ZNF98: variants seen among roughly 807,000 people sequenced by gnomAD.
ZNF98 encodes the protein zinc finger protein 739.
ZNF98 carries 8 observed loss-of-function variants against 12.8 expected under a neutral mutation model. The ratio of observed to expected loss-of-function variants is 0.63; its 90% CI spans 0.37 to 1.13. ZNF98 has a LOEUF of 1.13. Among genes scored for constraint, ZNF98 ranks in the 50% most tolerant of loss-of-function variants. The pLI, the probability that ZNF98 is intolerant of heterozygous loss-of-function variation, is 0.01. For missense variants in ZNF98, 379 were observed against 666.1 expected (o/e 0.57, Z 4.74); for synonymous variants, 112 against 223.5 (o/e 0.50, Z 4.45).
At chr19:22,413,700 G>A (rs755212378) in intron 1 of ZNF98, among the ~76,000 whole-genome samples, 19 of 151,254 alleles carry the variant, frequency 1.3e-4, no homozygotes, top group Non-Finnish European at 7.4e-5. Context: ...GAGAAACCCC[G>A]TCTCTACTAA....
chr19:22,418,128 C>T (rs1002629125), intron 1 of ZNF98, among the ~76,000 whole-genome samples: 6 of 152,136 alleles, frequency 3.9e-5, no homozygotes, highest in Non-Finnish European at 8.8e-5. Flanking sequence ...TGACACCACC[C>T]AGAGTCAGCA....
chr19:22,399,380 T>TA (rs1295495086), intron 3 of ZNF98, among the ~76,000 whole-genome samples: 1 of 152,180 alleles, frequency 6.6e-6, no homozygotes, highest in Non-Finnish European at 1.5e-5. Flanking sequence ...TTCTAAGTTT[T>TA]AAATATATGC....
chr19:22,391,111 G>T lies in ZNF98; in HGVS notation c.*405C>A, dbSNP rs907293234. On this transcript the variant is annotated 3_prime_UTR_variant, in exon 4 of 4. Coordinates refer to ENST00000357774, the MANE Select transcript of ZNF98 (RefSeq NM_001098626.2). ...ACAAAGTTTGAGCAATTGCCTCAGG[G>T]TTTGCTCTAATACAGAATGAATACA... The T allele has an allele frequency of 1.2e-5, 2 of 161,984 alleles. No individual in the cohort carries two copies. The highest frequency in any genetic ancestry group is 4.8e-5 in the African/African-American group (2 of 41,596). 10.0% of individuals were successfully genotyped at this position (161,984 alleles called of 1,614,324 possible).
rs369259525 is a variant in ZNF98 at position 22,408,857 on chromosome 19, C to T, written c.31-5345G>A. On this transcript the variant is annotated intron_variant, in intron 1 of 3. Coordinates refer to ENST00000357774, the MANE Select transcript of ZNF98 (RefSeq NM_001098626.2). The stretch of plus-strand genomic sequence containing the variant: ...AATCAACATCATGAAAATGGCCATA[C>T]TGCCCAAAGTAATTTATGGACTCAA... Among the ~76,000 whole-genome samples, 562 of 152,264 alleles carry T rather than the reference C, an allele frequency of 3.7e-3. 3 individuals carry two copies. The highest frequency in any genetic ancestry group is 0.013 in the African/African-American group (538 of 41,550).
Position 22,392,723 on chromosome 19 carries a change from C to G in ZNF98, c.512G>C (p.Arg171Thr). ...KVFHKFSNSN[R>T]HKIGHTGKKS... The stretch of plus-strand genomic sequence containing the variant: ...CTTTCCAGTATGTCCTATCTTATGT[C>G]TGTTTGAATTTGAAAATTTATGAAA... The change falls in exon 4 of 4, where the codon AGA becomes ACA. Residue 171 changes from arginine to threonine, a missense_variant. Physicochemically the swap from Arg to Thr is moderately conservative, Grantham distance 71. Transcript: ENST00000357774. The G allele has an allele frequency of 6.2e-7, 1 of 1,605,484 alleles. No homozygotes were observed.
chr19:22,397,437 A>T (rs534725714), intron 3 of ZNF98, among the ~76,000 whole-genome samples: 2 of 152,220 alleles, frequency 1.3e-5, no homozygotes, highest in African/African-American at 4.8e-5. Context: ...AACACCCCTC[A>T]ACACCAGGAC....
At chr19:22,416,015 G>C (rs1969638604) in intron 1 of ZNF98, among the ~76,000 whole-genome samples, 1 of 149,518 alleles carries the variant, frequency 6.7e-6, no homozygotes, top group African/African-American at 2.5e-5. Context: ...GTGGTGGCAG[G>C]TGCCTGTAGT....
intron 1 of ZNF98, among the ~76,000 whole-genome samples, chr19:22,414,920 A>T (rs1270927798): frequency 6.6e-6 from 1 of 152,168 alleles, no homozygotes; most frequent in East Asian, 1.9e-4. Flanking sequence ...CAGCAAAGGA[A>T]ACCATCAACA....
intron 3 of ZNF98, among the ~76,000 whole-genome samples, chr19:22,398,961 C>T (rs1029044323): frequency 6.6e-6 from 1 of 152,122 alleles, no homozygotes; most frequent in Non-Finnish European, 1.5e-5. Context: ...TAAAAACACA[C>T]ACACATATAA....
In ZNF98 at chr19:22,413,869, CAA is replaced by C. The variant is rs57148885; in HGVS notation, c.30+8324_30+8325del. Among the ~76,000 whole-genome samples, 200 of 43,172 alleles carry C rather than the reference CAA, an allele frequency of 4.6e-3. 1 individual carries two copies. Among genetic ancestry groups the C allele is most frequent in the African/African-American group, 0.015 (190 of 12,390 alleles). The allele number at this position is 43,172 out of a possible 152,430, so 28.3% of individuals were successfully genotyped here. A position where few individuals can be genotyped will look rare whatever the true frequency, so the allele number is the denominator to read the frequency against. On this transcript the variant is annotated intron_variant, in intron 1 of 3. Transcript: ENST00000357774. The stretch of plus-strand genomic sequence containing the variant: ...GGGCAAAAAGAGCAAAACTCCGTCT[CAA>C]AAAAAAAAAAAAAAAAAAAAAGTCA...
chr19:22,419,741 C>A (rs903446277), intron 1 of ZNF98, among the ~76,000 whole-genome samples: 2 of 152,022 alleles, frequency 1.3e-5, no homozygotes, highest in Admixed American at 1.3e-4. Context: ...CATATGGGAC[C>A]ATTTCTAGGA....
At chr19:22,417,977 C>G (rs918853605) in intron 1 of ZNF98, among the ~76,000 whole-genome samples, 1 of 152,258 alleles carries the variant, frequency 6.6e-6, no homozygotes, top group East Asian at 1.9e-4. Context: ...AGAGTAGAGC[C>G]TCCCATTCCC....
intron 1 of ZNF98, 97 bp downstream of exon 1, chr19:22,422,098 C>G (rs1215946270): frequency 6.8e-7 from 1 of 1,469,656 alleles, no homozygotes; most frequent in East Asian, 2.3e-5. Flanking sequence ...GATTGTGGAG[C>G]TGACAGCGGG....
chr19:22,419,276 T>C (rs1969678151), intron 1 of ZNF98, among the ~76,000 whole-genome samples: 1 of 152,208 alleles, frequency 6.6e-6, no homozygotes, highest in African/African-American at 2.4e-5. Context: ...AATAACTTCA[T>C]CTTCACAAGA....
At chr19:22,414,128 G>A (rs1335680345) in intron 1 of ZNF98, among the ~76,000 whole-genome samples, 6 of 150,404 alleles carry the variant, frequency 4.0e-5, no homozygotes, top group African/African-American at 9.8e-5. Context: ...TCAGCTACTC[G>A]GGAAGCTGAG....
At chr19:22,406,467 C>G (rs1373447202) in intron 1 of ZNF98, among the ~76,000 whole-genome samples, 1 of 151,994 alleles carries the variant, frequency 6.6e-6, no homozygotes, top group East Asian at 1.9e-4. Context: ...ATCCAAGAGT[C>G]AGCAGCCTCA....
intron 2 of ZNF98, among the ~76,000 whole-genome samples, 161 bp from the exon 3 acceptor site, chr19:22,403,045 G>A (rs894755467): frequency 6.6e-6 from 1 of 151,614 alleles, no homozygotes; most frequent in African/African-American, 2.4e-5. Flanking sequence ...TTTTAATTTT[G>A]TAAGTTCTTA....
In ZNF98 at chr19:22,392,357, G is replaced by C. The variant is rs1328341997; in HGVS notation, c.878C>G (p.Pro293Arg). ...TCTGCCACATTCTTCACATTTGTAG[G>C]GTTTCTCTCCAGTATGAATTCTCTT... ...THKRIHTGEK[P>R]YKCEECGRAF... Residue 293 changes from proline to arginine, a missense_variant, in exon 4 of 4, where the codon CCC becomes CGC. Physicochemically the swap from Pro to Arg is moderately radical, Grantham distance 103 (BLOSUM62 -2). This residue lies in a region of ZNF98 where 9 missense variants were observed against 94.5 expected (regional missense o/e 0.10). Transcript: ENST00000357774. 2.0e-6 allele frequency: 3 copies of C among 1,512,118 alleles called. No individual in the cohort carries two copies. The East Asian group carries it at 7.3e-5, about 37-fold the overall frequency. 93.7% of individuals were successfully genotyped at this position (1,512,118 alleles called of 1,614,324 possible).
intron 1 of ZNF98, among the ~76,000 whole-genome samples, chr19:22,421,483 A>C (rs1969702981): frequency 6.6e-6 from 1 of 152,166 alleles, no homozygotes; most frequent in Admixed American, 6.5e-5. Context: ...AAAAAATCTA[A>C]CTCAAATGCA....
Sources: gnomAD v4.1 joint callset for allele counts (sites outside exome capture counted in the v4.1 genomes callset) on GRCh38, gnomAD v4.1.1 for gene constraint, gnomAD v4.1.1 regional missense constraint, MANE v1.5 for transcripts, NCBI Gene and HGNC (gene_info 2026-07-23, HGNC 2026-07-21) for gene names.